The following ALPK3 variants were observed in gnomAD, a reference collection of about 807,000 sequenced individuals.
The protein encoded by ALPK3 is alpha-protein kinase 3.
ALPK3 carries 102 observed loss-of-function variants against 140.0 expected under a neutral mutation model. The ratio of observed to expected loss-of-function variants is 0.73; its 90% CI spans 0.62 to 0.86. The LOEUF (loss-of-function observed/expected upper bound fraction) is 0.86, where lower values mean the gene tolerates loss of function less well. ALPK3 is among the 40% of genes least tolerant of loss of function. ALPK3 has a pLI of 0.00. For synonymous variants in ALPK3, 938 were observed against 898.5 expected (o/e 1.04, Z -0.79); for missense variants, 2,254 against 2,208.2 (o/e 1.02, Z -0.42).
At chr15:84,851,666 A>G (rs1297540818) in intron 5 of ALPK3, among the ~76,000 whole-genome samples, 1 of 152,140 alleles carries the variant, frequency 6.6e-6, no homozygotes, top group African/African-American at 2.4e-5. Context: ...AAGGTTGCAT[A>G]TTATACTTTC....
chr15:84,837,705 A>G (rs1429105851), intron 3 of ALPK3, among the ~76,000 whole-genome samples: 1 of 152,222 alleles, frequency 6.6e-6, no homozygotes, highest in Non-Finnish European at 1.5e-5. Context: ...AATTGACAAG[A>G]GGAGGGCAGC....
chr15:84,847,984 C>A (rs1029978953), intron 5 of ALPK3, among the ~76,000 whole-genome samples: 1 of 151,628 alleles, frequency 6.6e-6, no homozygotes. Flanking sequence ...ATCACTTGAA[C>A]CTAGGAGGCA....
intron 3 of ALPK3, among the ~76,000 whole-genome samples, chr15:84,836,398 G>A (rs1596148605): frequency 1.3e-5 from 2 of 152,230 alleles, no homozygotes; most frequent in South Asian, 4.1e-4. Context: ...CAAGATCAGT[G>A]AGGAGGTTAT....
At chr15:84,835,047 G>A (rs1336490969) in intron 3 of ALPK3, among the ~76,000 whole-genome samples, 1 of 152,212 alleles carries the variant, frequency 6.6e-6, no homozygotes, top group African/African-American at 2.4e-5. Context: ...GGGCTGTGGG[G>A]TCCATTCAGC....
Position 84,839,089 on chromosome 15 carries a change from G to A in ALPK3, c.414G>A (p.Gln138=), listed in dbSNP as rs1301571421. Residue 138 remains glutamine (Q), a synonymous_variant, in exon 4 of 14, where the codon CAG becomes CAA. Transcript: ENST00000258888. ...ATCAGGGCAACCGCCACACACTGCA[G>A]CTGTACAGGTGAGGGAGAAGGGCCT... ...ITHQGNRHTL[Q]LYRCREEDAA... 2 of 1,607,578 alleles carry A rather than the reference G, an allele frequency of 1.2e-6. No individual in the cohort carries two copies. Among genetic ancestry groups the A allele is most frequent in the Non-Finnish European group, 1.7e-6 (2 of 1,176,760 alleles).
At position 84,856,868 on chromosome 15, in the gene ALPK3, G is replaced by T. The variant is rs147611382; in HGVS notation, c.2130G>T (p.Thr710=). ...AGGGGATGCAGGGAGAGAAGGGGAC[G>T]CAGTCAGAGGGGAGCGCGCCCACAG... ...GEKGMQGEKG[T]QSEGSAPTAM... is the part of the protein sequence containing the mutation. The change falls in exon 6 of 14, where the codon ACG becomes ACT. Residue 710 remains threonine, a synonymous_variant. Transcript: ENST00000258888. 3.1e-6 allele frequency: 5 copies of T among 1,613,904 alleles called. No homozygotes were observed. The highest frequency in any genetic ancestry group is 4.2e-6 in the Non-Finnish European group (5 of 1,180,018).
rs12324387 is a variant in ALPK3, at chr15:84,872,746, G to A, written c.*4290G>A. ...GGCACTGGGCAGCTGCCAATTTCCC[G>A]TCCCTTCTGTAGTCCCAGATGAATG... On this transcript the variant is annotated 3_prime_UTR_variant, in exon 14 of 14. Transcript: ENST00000258888. 8,830 of 152,210 alleles carry A rather than the reference G, an allele frequency of 0.058. 374 individuals are homozygous for A. The highest frequency in any genetic ancestry group is 0.17 in the East Asian group (870 of 5,164). 9.4% of individuals were successfully genotyped at this position (152,210 alleles called of 1,614,324 possible).
intron 2 of ALPK3, among the ~76,000 whole-genome samples, chr15:84,825,393 T>C (rs1596145803): frequency 6.6e-6 from 1 of 152,126 alleles, no homozygotes; most frequent in African/African-American, 2.4e-5. Context: ...GCCAGGCTGG[T>C]CTCGATCTCT....
chr15:84,847,200 A>C (rs1963740172), intron 5 of ALPK3, among the ~76,000 whole-genome samples: 2 of 135,550 alleles, frequency 1.5e-5, no homozygotes, highest in Non-Finnish European at 3.1e-5. Flanking sequence ...GAAGGGAGGG[A>C]GAAACGGGGA....
At chr15:84,845,953 G>C (rs140427851) in intron 5 of ALPK3, among the ~76,000 whole-genome samples, 6 of 152,140 alleles carry the variant, frequency 3.9e-5, no homozygotes, top group Middle Eastern at 3.2e-3. Flanking sequence ...CCACCTACTC[G>C]GGAGGCTGAG....
At position 84,862,961 on chromosome 15, in the gene ALPK3, C is replaced by G. The variant is rs757235974; in HGVS notation, c.4410+46C>G. ...ACCCCATTCTTTTATTCTCTCACCC[C>G]CTCCCCTTTCCCAGCCCAGGTCCTG... On this transcript the variant is annotated intron_variant, in intron 10 of 13. Transcript: ENST00000258888. 73 of 1,581,496 alleles carry G rather than the reference C, an allele frequency of 4.6e-5. No homozygotes were observed. In the South Asian group the frequency reaches 7.8e-4, roughly 17 times the overall value.
chr15:84,839,566 G>T, intron 4 of ALPK3, 136 bp from the exon 5 acceptor site: 4 of 965,664 alleles, frequency 4.1e-6, no homozygotes, highest in African/African-American at 1.6e-5. Flanking sequence ...TGACGTGTGA[G>T]ATGGGGCGTA....
chr15:84,818,900 G>GAGA (rs1376469968), intron 1 of ALPK3, among the ~76,000 whole-genome samples: 1 of 152,190 alleles, frequency 6.6e-6, no homozygotes, highest in Non-Finnish European at 1.5e-5. Flanking sequence ...CCAGTCCTTA[G>GAGA]AGAAGCTGAC....
rs568908757 is a variant in ALPK3, at chr15:84,840,582, C to A, written c.1303C>A (p.Gln435Lys). ...CAGGCCTCTTGGGGAAGAGGGACCC[C>A]AGACCCTGAGTGTCCGGGCGCCTGG... ...AVRPLGEEGP[Q>K]TLSVRAPGES... is the part of the protein sequence containing the mutation. Residue 435 changes from glutamine (Q) to lysine (K), a missense_variant, in exon 5 of 14, where the codon CAG becomes AAG. By Grantham distance (53) the Gln-to-Lys change is moderately conservative (BLOSUM62 1). This residue lies in a region of ALPK3 where 2,088 missense variants were observed against 2,022.9 expected (regional missense o/e 1.03). Coordinates refer to ENST00000258888, the MANE Select transcript of ALPK3 (RefSeq NM_020778.5). 11 of 1,575,252 alleles carry A rather than the reference C, an allele frequency of 7.0e-6. No individual in the cohort carries two copies. In the African/African-American group the frequency reaches 9.5e-5, roughly 14 times the overall value.
rs780451630 is a variant in ALPK3, at chr15:84,862,790, A to T, written c.4285A>T (p.Ile1429Phe). The part of the protein sequence containing the change: ...GLRKASQAKV[I>F]YGLEPIFESG... ...TCGGAAGGCCTCCCAGGCCAAGGTCATCTACGGGCTGGAACCCATCTTCGA... is the reference window on the plus strand; with the variant it reads ...TCGGAAGGCCTCCCAGGCCAAGGTCTTCTACGGGCTGGAACCCATCTTCGA... The change falls in exon 10 of 14, where the codon ATC becomes TTC. Residue 1429 changes from isoleucine (I) to phenylalanine (F), a missense_variant. Physicochemically the swap from Ile to Phe is conservative, Grantham distance 21 (BLOSUM62 0). Transcript: ENST00000258888. 1.9e-6 allele frequency: 3 copies of T among 1,614,010 alleles called. No homozygotes were observed. Among genetic ancestry groups the T allele is most frequent in the African/African-American group, 1.3e-5 (1 of 74,898 alleles).
Position 84,827,562 on chromosome 15 carries a change from T to A in ALPK3, c.261T>A (p.Ser87=). The change falls in exon 3 of 14, where the codon TCT becomes TCA. Residue 87 remains serine, a synonymous_variant. Coordinates refer to ENST00000258888, the MANE Select transcript of ALPK3 (RefSeq NM_020778.5). ...TTGAGACCACGCTCAAGTCCCGGTC[T>A]GTGTCCGAGGACAGCGACGTCAGGT... ...PLFETTLKSR[S]VSEDSDVRFT... is the part of the protein sequence containing the mutation. 6.2e-7 allele frequency: 1 copy of A among 1,614,224 alleles called. No individual in the cohort carries two copies. Among genetic ancestry groups the A allele is most frequent in the Non-Finnish European group, 8.5e-7 (1 of 1,180,048 alleles).
Position 84,858,644 on chromosome 15 carries a change from C to G in ALPK3, c.3817+89C>G, listed in dbSNP as rs1017812393. The G allele has an allele frequency of 2.7e-6, 4 of 1,456,432 alleles. No homozygotes were observed. In the African/African-American group the frequency reaches 4.2e-5, roughly 15 times the overall value. 90.2% of individuals were successfully genotyped at this position (1,456,432 alleles called of 1,614,324 possible). On this transcript the variant is annotated intron_variant, in intron 6 of 13. Transcript: ENST00000258888. ...TGCTGCTAACAGCACTACCCCATGA[C>G]AGATAGCATATCCCTCCTCGGGATT...
rs2141572697 is a variant in ALPK3, at chr15:84,862,786, G to A, written c.4281G>A (p.Lys1427=). 1 of 1,614,182 alleles carries A rather than the reference G, an allele frequency of 6.2e-7. No individual in the cohort carries two copies. The highest frequency in any genetic ancestry group is 8.5e-7 in the Non-Finnish European group (1 of 1,180,032). Reference sequence around the variant, plus strand: ...GCCTTCGGAAGGCCTCCCAGGCCAAGGTCATCTACGGGCTGGAACCCATCT... The same window carrying A: ...GCCTTCGGAAGGCCTCCCAGGCCAAAGTCATCTACGGGCTGGAACCCATCT... ...GCGLRKASQA[K]VIYGLEPIFE... is the part of the protein sequence containing the mutation. The change falls in exon 10 of 14, where the codon AAG becomes AAA. Residue 1427 remains lysine (K), a synonymous_variant. Coordinates refer to ENST00000258888, the MANE Select transcript of ALPK3 (RefSeq NM_020778.5).
chr15:84,867,077 T>C (rs953202238), intron 12 of ALPK3, among the ~76,000 whole-genome samples: 4 of 151,926 alleles, frequency 2.6e-5, no homozygotes, highest in Admixed American at 6.5e-5. Context: ...TTCCTAGTAA[T>C]AATCCAGAGA....
Sources: gnomAD v4.1 joint callset for allele counts (sites outside exome capture counted in the v4.1 genomes callset) on GRCh38, gnomAD v4.1.1 for gene constraint, gnomAD v4.1.1 regional missense constraint, MANE v1.5 for transcripts, NCBI Gene and HGNC (gene_info 2026-07-23, HGNC 2026-07-21) for gene names.